The following PRICKLE1 variants were observed in gnomAD, a reference collection of about 807,000 sequenced individuals.
PRICKLE1 encodes the protein prickle-like protein 1.
PRICKLE1 carries 14 observed loss-of-function variants against 70.2 expected under a neutral mutation model. The ratio of observed to expected loss-of-function variants is 0.20; its 90% CI spans 0.13 to 0.31. The LOEUF (loss-of-function observed/expected upper bound fraction) is 0.31. PRICKLE1 is among the 10% of genes least tolerant of loss of function. The pLI is 1.00. For synonymous variants in PRICKLE1, 357 were observed against 379.9 expected, an observed-to-expected ratio of 0.94 and a Z score of 0.70; for missense variants, 821 against 1,026.2, an observed-to-expected ratio of 0.80 and a Z score of 2.73.
intron 1 of PRICKLE1, among the ~76,000 whole-genome samples, chr12:42,508,495 T>C (rs1593145433): frequency 6.6e-6 from 1 of 152,334 alleles, no homozygotes; most frequent in East Asian, 1.9e-4. Flanking sequence ...GCTCAACTGT[T>C]TTATACACGG....
At chr12:42,510,004 T>G (rs1442425716) in intron 1 of PRICKLE1, among the ~76,000 whole-genome samples, 3 of 150,782 alleles carry the variant, frequency 2.0e-5, no homozygotes, top group African/African-American at 4.9e-5. Flanking sequence ...ACCCGCAAGG[T>G]GGAGACTGCA....
intron 1 of PRICKLE1, among the ~76,000 whole-genome samples, chr12:42,475,993 A>T (rs546601140): frequency 2.1e-4 from 31 of 150,212 alleles, no homozygotes; most frequent in Non-Finnish European, 4.1e-4. Flanking sequence ...TCAGCTACTC[A>T]GGAGGCTGAG....
intron 1 of PRICKLE1, among the ~76,000 whole-genome samples, chr12:42,549,875 G>A (rs1426974417): frequency 6.6e-6 from 1 of 152,164 alleles, no homozygotes; most frequent in African/African-American, 2.4e-5. Context: ...TTACCTAAGA[G>A]GTCCTTGAGC....
chr12:42,570,607 G>A (rs946512012), intron 1 of PRICKLE1, among the ~76,000 whole-genome samples: 21 of 152,120 alleles, frequency 1.4e-4, no homozygotes, highest in African/African-American at 4.8e-4. Flanking sequence ...ATCACCAGAC[G>A]TCGGGAGTTC....
intron 1 of PRICKLE1, among the ~76,000 whole-genome samples, chr12:42,582,141 A>G (rs1940912474): frequency 6.6e-6 from 1 of 152,224 alleles, no homozygotes; most frequent in African/African-American, 2.4e-5. Context: ...AAGCTGTTTA[A>G]GCTTATAGAA....
chr12:42,508,714 T>A, intron 1 of PRICKLE1, among the ~76,000 whole-genome samples: 1 of 151,970 alleles, frequency 6.6e-6, no homozygotes, highest in East Asian at 1.9e-4. Context: ...CCAGAAGCAG[T>A]GGAAAGGAAG....
Position 42,514,887 on chromosome 12 carries a change from CTCTATCTATCTATCTATCTA to C in PRICKLE1, c.-48-42343_-48-42324del, listed in dbSNP as rs150030888. On this transcript the variant is annotated intron_variant, in intron 1 of 7. Coordinates refer to ENST00000345127, the MANE Select transcript of PRICKLE1 (RefSeq NM_153026.3). ...CTACTCTAACTTTTTTTAAGGCTCG[CTCTATCTATCTATCTATCTA>C]TCTATCTATCTATCTATCTATCTAT... Among the ~76,000 whole-genome samples the C allele has an allele frequency of 1.9e-3, 265 of 139,792 alleles. 1 individual carries two copies. Among genetic ancestry groups the C allele is most frequent in the East Asian group, 6.1e-3 (30 of 4,902 alleles). 91.7% of individuals were successfully genotyped at this position (139,792 alleles called of 152,430 possible).
At chr12:42,563,102 G>C (rs770509705) in intron 1 of PRICKLE1, among the ~76,000 whole-genome samples, 5 of 151,972 alleles carry the variant, frequency 3.3e-5, no homozygotes, top group East Asian at 3.9e-4. Context: ...AGAATTGCTA[G>C]AGTCCGGGAG....
At chr12:42,524,480 C>T (rs1939766965) in intron 1 of PRICKLE1, among the ~76,000 whole-genome samples, 1 of 152,176 alleles carries the variant, frequency 6.6e-6, no homozygotes, top group Non-Finnish European at 1.5e-5. Context: ...GTGGCGCGAT[C>T]TTGGCTCACT....
intron 1 of PRICKLE1, among the ~76,000 whole-genome samples, chr12:42,490,592 G>C (rs1939081440): frequency 6.6e-6 from 1 of 152,220 alleles, no homozygotes; most frequent in African/African-American, 2.4e-5. Context: ...GTAGTCAAGG[G>C]GAGAGAAGAT....
At chr12:42,583,677 T>C (rs772004240) in intron 1 of PRICKLE1, among the ~76,000 whole-genome samples, 5 of 152,242 alleles carry the variant, frequency 3.3e-5, no homozygotes, top group Non-Finnish European at 7.3e-5. Context: ...ATTTGGGTTA[T>C]ACAGTAATAT....
intron 1 of PRICKLE1, among the ~76,000 whole-genome samples, chr12:42,549,576 A>C (rs1404347574): frequency 6.6e-6 from 1 of 152,056 alleles, no homozygotes; most frequent in African/African-American, 2.4e-5. Flanking sequence ...TCTAGAATGC[A>C]CAAGCCTCCT....
At chr12:42,509,535 T>G (rs1183872173) in intron 1 of PRICKLE1, among the ~76,000 whole-genome samples, 2 of 152,108 alleles carry the variant, frequency 1.3e-5, no homozygotes, top group East Asian at 3.9e-4. Flanking sequence ...CTCTGCTGGG[T>G]GGGACGACTT....
chr12:42,462,672 T>G (rs1937899471), intron 7 of PRICKLE1, among the ~76,000 whole-genome samples: 1 of 152,140 alleles, frequency 6.6e-6, no homozygotes, highest in Non-Finnish European at 1.5e-5. Context: ...TACCCTTCCT[T>G]GTCACTGCAG....
intron 1 of PRICKLE1, among the ~76,000 whole-genome samples, chr12:42,496,860 G>A (rs1939210335): frequency 6.6e-6 from 1 of 152,148 alleles, no homozygotes; most frequent in Non-Finnish European, 1.5e-5. Flanking sequence ...GTTGTGGCTG[G>A]TTTGATCTTC....
chr12:42,490,682 G>A (rs1443451928), intron 1 of PRICKLE1, among the ~76,000 whole-genome samples: 3 of 152,068 alleles, frequency 2.0e-5, no homozygotes, highest in Non-Finnish European at 4.4e-5. Flanking sequence ...GTCTGGGTAG[G>A]GGCAGTGGAA....
At chr12:42,524,572 C>T (rs572955185) in intron 1 of PRICKLE1, among the ~76,000 whole-genome samples, 7 of 152,124 alleles carry the variant, frequency 4.6e-5, no homozygotes, top group African/African-American at 9.6e-5. Flanking sequence ...CCACCGCACC[C>T]GGCTAATTTT....
At chr12:42,575,912 C>T (rs1427511254) in intron 1 of PRICKLE1, among the ~76,000 whole-genome samples, 1 of 152,158 alleles carries the variant, frequency 6.6e-6, no homozygotes, top group African/African-American at 2.4e-5. Context: ...GAACAAATAA[C>T]TTCAGGCTTT....
chr12:42,502,616 G>GA (rs1260575176), intron 1 of PRICKLE1, among the ~76,000 whole-genome samples: 10 of 152,040 alleles, frequency 6.6e-5, no homozygotes, highest in Middle Eastern at 3.4e-3. Flanking sequence ...TGGCTTGTGT[G>GA]GTTTTTTAAA....
Sources: gnomAD v4.1 joint callset for allele counts (sites outside exome capture counted in the v4.1 genomes callset) on GRCh38, gnomAD v4.1.1 for gene constraint, MANE v1.5 for transcripts, NCBI Gene and HGNC (gene_info 2026-07-23, HGNC 2026-07-21) for gene names.